Variants in TBKBP1 observed in about 807,000 individuals in gnomAD.
The protein encoded by TBKBP1 is TANK-binding kinase 1-binding protein 1.
A neutral mutation model predicts 69.9 loss-of-function variants in TBKBP1; 47 were observed. The ratio of observed to expected loss-of-function variants is 0.67; its 90% CI spans 0.53 to 0.86. TBKBP1 has a LOEUF of 0.86. Among genes scored for constraint, TBKBP1 ranks in the 40% least tolerant of loss-of-function variants. The probability of loss-of-function intolerance (pLI) is 0.00; values close to 1 mark genes in which losing one functional copy is unlikely to be tolerated. For synonymous variants in TBKBP1, 418 were observed against 390.3 expected (o/e 1.07, Z -0.84); for missense variants, 831 against 858.6 (o/e 0.97, Z 0.40).
chr17:47,694,396 C>T (rs1275872440), intron 1 of TBKBP1, among the ~76,000 whole-genome samples: 1 of 151,822 alleles, frequency 6.6e-6, no homozygotes, highest in Non-Finnish European at 1.5e-5. Context: ...GCGCCACTCC[C>T]GGAGCCCCTT....
intron 7 of TBKBP1, among the ~76,000 whole-genome samples, chr17:47,701,037 G>C (rs561933466): frequency 4.6e-5 from 7 of 152,320 alleles, no homozygotes; most frequent in Non-Finnish European, 8.8e-5. Context: ...GGCCCAGAGA[G>C]GGGCAGGAAC....
At position 47,708,659 on chromosome 17, in the gene TBKBP1, C is replaced by T; in HGVS notation, c.992-66C>T. ...GGCATGGGTCCGGGCAAGCCCCTGG[C>T]GCTCCAGTTCTGAGGTCTTCTCTCT... On this transcript the variant is annotated intron_variant, in intron 8 of 9. Coordinates refer to ENST00000578982, the MANE Select transcript of TBKBP1 (RefSeq NM_001394755.1). This position sits in a 1 kb window ranked among gnomAD's most constrained non-coding sequence, Gnocchi z 4.4. The T allele has an allele frequency of 3.5e-6, 5 of 1,441,152 alleles. No homozygotes were observed. The highest frequency in any genetic ancestry group is 1.8e-4 in the Middle Eastern group (1 of 5,636). 89.3% of individuals were successfully genotyped at this position (1,441,152 alleles called of 1,614,324 possible). A position where few individuals can be genotyped will look rare whatever the true frequency, so the allele number is the denominator to read the frequency against.
chr17:47,700,584 C>T (rs2031462421), intron 7 of TBKBP1, among the ~76,000 whole-genome samples: 1 of 151,960 alleles, frequency 6.6e-6, no homozygotes, highest in Non-Finnish European at 1.5e-5. Flanking sequence ...GTTGGGTTCA[C>T]CCTCCCCTCC....
chr17:47,698,500 G>T, intron 4 of TBKBP1, 95 bp from the exon 5 acceptor site: 1 of 1,312,052 alleles, frequency 7.6e-7, no homozygotes, highest in South Asian at 1.5e-5. Context: ...TGGGATGTGT[G>T]ACCTGGGGCC....
rs549740285 is a variant in TBKBP1 at position 47,699,708 on chromosome 17, T to C, written c.872+11T>C. ...AGTTGGGGATGATCAGTAAGTCACA[T>C]TGGTAACCCTGGTCCCTCCGTGATG... On this transcript the variant is annotated intron_variant, in intron 7 of 9. Transcript: ENST00000578982. 22 of 1,613,932 alleles carry C rather than the reference T, an allele frequency of 1.4e-5. No homozygotes were observed. Among genetic ancestry groups the C allele is most frequent in the East Asian group, 8.9e-5 (4 of 44,872 alleles).
Position 47,708,451 on chromosome 17 carries a change from G to T in TBKBP1, c.930G>T (p.Glu310Asp), listed in dbSNP as rs1259961537. The T allele has an allele frequency of 6.2e-7, 1 of 1,613,820 alleles. No individual in the cohort carries two copies. Among genetic ancestry groups the T allele is most frequent in the East Asian group, 2.2e-5 (1 of 44,892 alleles). The change falls in exon 8 of 10, where the codon GAG becomes GAT. Residue 310 changes from glutamate (E) to aspartate (D), a missense_variant. Physicochemically the swap from Glu to Asp is conservative, Grantham distance 45 (BLOSUM62 2). Coordinates refer to ENST00000578982, the MANE Select transcript of TBKBP1 (RefSeq NM_001394755.1). This position sits in a 1 kb window ranked among gnomAD's most constrained non-coding sequence, Gnocchi z 4.4. Reference protein sequence around the residue: ...ELTEELGRLRELSSLQGRILR... With the variant: ...ELTEELGRLRDLSSLQGRILR... ...CGGAGGAGCTGGGCCGGCTTCGGGA[G>T]TTGAGTTCCCTACAGGGGAGAATCT...
chr17:47,701,282 C>T (rs538014050), intron 7 of TBKBP1, among the ~76,000 whole-genome samples: 2 of 152,142 alleles, frequency 1.3e-5, no homozygotes, highest in African/African-American at 2.4e-5. Context: ...GAGGGTCCAC[C>T]CTAGCTTGTG....
At chr17:47,702,279 T>C (rs1353842255) in intron 7 of TBKBP1, among the ~76,000 whole-genome samples, 1 of 151,606 alleles carries the variant, frequency 6.6e-6, no homozygotes, top group Non-Finnish European at 1.5e-5. Flanking sequence ...TTTCCGGGAG[T>C]GGAGTGAGTG....
chr17:47,710,774 T>C lies in TBKBP1; in HGVS notation c.*148T>C. 1 of 1,172,688 alleles carries C rather than the reference T, an allele frequency of 8.5e-7. No individual in the cohort carries two copies. 72.6% of individuals were successfully genotyped at this position (1,172,688 alleles called of 1,614,324 possible). A position where few individuals can be genotyped will look rare whatever the true frequency, so the allele number is the denominator to read the frequency against. ...TGCTACCGAGTCAACGTGTGTGCCA[T>C]CTTCCCTGGTCCAGGCACCACTCAG... On this transcript the variant is annotated 3_prime_UTR_variant, in exon 10 of 10. Transcript: ENST00000578982.
chr17:47,710,675 C>T lies in TBKBP1; in HGVS notation c.*49C>T, dbSNP rs748641555. 1.9e-6 allele frequency: 3 copies of T among 1,571,966 alleles called. No individual in the cohort carries two copies. Among genetic ancestry groups the T allele is most frequent in the Non-Finnish European group, 2.6e-6 (3 of 1,149,346 alleles). ...GTTTCTCCGTCCTCTCCTATCACCC[C>T]CAAACACTCACTTTGAATGCTGCAT... On this transcript the variant is annotated 3_prime_UTR_variant, in exon 10 of 10. Coordinates refer to ENST00000578982, the MANE Select transcript of TBKBP1 (RefSeq NM_001394755.1).
chr17:47,711,493 A>T lies in TBKBP1; in HGVS notation c.*867A>T, dbSNP rs1173817857. Reference sequence around the variant, plus strand: ...ACAGGTGCCCTGGAGCCCTTGTGTGACTCAGCCTCTGTTAGCTGGGTGGGT... The same window carrying T: ...ACAGGTGCCCTGGAGCCCTTGTGTGTCTCAGCCTCTGTTAGCTGGGTGGGT... On this transcript the variant is annotated 3_prime_UTR_variant, in exon 10 of 10. Coordinates refer to ENST00000578982, the MANE Select transcript of TBKBP1 (RefSeq NM_001394755.1). 4 of 152,490 alleles carry T rather than the reference A, an allele frequency of 2.6e-5. No homozygotes were observed. In the East Asian group the frequency reaches 7.7e-4, roughly 29 times the overall value. 9.4% of individuals were successfully genotyped at this position (152,490 alleles called of 1,614,324 possible).
intron 3 of TBKBP1, 110 bp downstream of exon 3, chr17:47,696,943 G>A (rs1046771524): frequency 4.6e-6 from 7 of 1,535,062 alleles, no homozygotes; most frequent in Non-Finnish European, 6.1e-6. Context: ...GATTAGAGAT[G>A]GCCAGGTCCT....
chr17:47,698,108 G>T (rs1022179919), intron 4 of TBKBP1, among the ~76,000 whole-genome samples: 2 of 152,236 alleles, frequency 1.3e-5, no homozygotes, highest in South Asian at 2.1e-4. Context: ...GGGCATTCAT[G>T]TATAGATGCT....
chr17:47,695,883 C>G, intron 1 of TBKBP1, 196 bp from the exon 2 acceptor site: 1 of 469,618 alleles, frequency 2.1e-6, no homozygotes, highest in Non-Finnish European at 3.8e-6. Flanking sequence ...TGGTTCCAGC[C>G]CCTTTTCCCC....
intron 7 of TBKBP1, among the ~76,000 whole-genome samples, chr17:47,700,813 CCAGTGCTGGGGCCTCCAGGGGGGCA>C (rs1286818053): frequency 6.6e-6 from 1 of 152,012 alleles, no homozygotes; most frequent in Non-Finnish European, 1.5e-5. Context: ...GGTGGGGGGC[CCAGTGCTGGGGCCTCCAGGGGGGCA>C]CTGGACAGCA....
chr17:47,700,153 A>T (rs1455890571), intron 7 of TBKBP1, among the ~76,000 whole-genome samples: 4 of 149,592 alleles, frequency 2.7e-5, no homozygotes, highest in African/African-American at 2.5e-5. Flanking sequence ...CGCCTGGCTA[A>T]TTTTTTTTTG....
In TBKBP1 at chr17:47,708,469, G is replaced by C; in HGVS notation, c.948G>C (p.Gly316=). 1 of 1,613,952 alleles carries C rather than the reference G, an allele frequency of 6.2e-7. No homozygotes were observed. Among genetic ancestry groups the C allele is most frequent in the Non-Finnish European group, 8.5e-7 (1 of 1,179,846 alleles). The stretch of plus-strand genomic sequence containing the variant: ...TTCGGGAGTTGAGTTCCCTACAGGG[G>C]AGAATCTTGAGGACTCTGTTGCAGG... ...GRLRELSSLQ[G]RILRTLLQEQ... The change falls in exon 8 of 10, where the codon GGG becomes GGC. Residue 316 remains glycine (G), a synonymous_variant. Transcript: ENST00000578982. The surrounding 1 kb of genome is among the most constrained non-coding windows in gnomAD (Gnocchi z 4.4).
Position 47,700,200 on chromosome 17 carries a change from A to G in TBKBP1, c.872+503A>G, listed in dbSNP as rs1211729996. 2.0e-5 allele frequency among the ~76,000 whole-genome samples: 3 copies of G among 150,354 alleles called. No homozygotes were observed. In the East Asian group the frequency reaches 5.9e-4, roughly 30 times the overall value. On this transcript the variant is annotated intron_variant, in intron 7 of 9. Transcript: ENST00000578982. ...GAGATGGGGTTTCACTGCGTTAGCC[A>G]GGATGGTCTCGATCTCCTGACCTTG...
chr17:47,710,350 G>A, intron 9 of TBKBP1, 148 bp from the exon 10 acceptor site: 3 of 1,054,168 alleles, frequency 2.8e-6, no homozygotes, highest in East Asian at 2.6e-5. Context: ...AGCTGGTGTG[G>A]GGGAGGACGG....
Sources: gnomAD v4.1 joint callset for allele counts (sites outside exome capture counted in the v4.1 genomes callset) on GRCh38, gnomAD v4.1.1 for gene constraint, Gnocchi (gnomAD v3.1) non-coding constraint, MANE v1.5 for transcripts, NCBI Gene and HGNC (gene_info 2026-07-23, HGNC 2026-07-21) for gene names.